The following ATP8A1 variants were observed in gnomAD, a reference collection of about 807,000 sequenced individuals.
The protein encoded by ATP8A1 is phospholipid-transporting ATPase IA.
ATP8A1 carries 90 observed loss-of-function variants against 177.7 expected under a neutral mutation model. The ratio of observed to expected loss-of-function variants is 0.51; its 90% CI spans 0.43 to 0.60. The LOEUF (loss-of-function observed/expected upper bound fraction) is 0.60, where lower values mean the gene tolerates loss of function less well. ATP8A1 is among the 20% of genes least tolerant of loss of function. The pLI is 0.00. For missense variants in ATP8A1, 1,072 were observed against 1,392.8 expected (o/e 0.77, Z 3.67); for synonymous variants, 493 against 485.9 (o/e 1.01, Z -0.19).
chr4:42,627,208 A>G (rs534005570), intron 1 of ATP8A1, 99 bp from the exon 2 acceptor site: 1 of 798,748 alleles, frequency 1.3e-6, no homozygotes, highest in Admixed American at 2.7e-5. Flanking sequence ...GTTAAAAGCT[A>G]CTTGCTTCCC....
chr4:42,417,419 TTA>T (rs1186948022), intron 35 of ATP8A1, among the ~76,000 whole-genome samples: 1 of 152,114 alleles, frequency 6.6e-6, no homozygotes, highest in Non-Finnish European at 1.5e-5. Context: ...ACGTAGTCTC[TTA>T]TAGTCTTTCA....
intron 1 of ATP8A1, among the ~76,000 whole-genome samples, chr4:42,637,788 C>G (rs1272577458): frequency 6.6e-6 from 1 of 152,196 alleles, no homozygotes; most frequent in Non-Finnish European, 1.5e-5. Context: ...AACAGTATTT[C>G]CAGTTCAGAC....
At chr4:42,656,449 G>A (rs1447945085) in intron 1 of ATP8A1, among the ~76,000 whole-genome samples, 1 of 152,106 alleles carries the variant, frequency 6.6e-6, no homozygotes, top group African/African-American at 2.4e-5. Flanking sequence ...AGCTCAGATA[G>A]GGGGTTGCAA....
intron 7 of ATP8A1, among the ~76,000 whole-genome samples, chr4:42,589,933 T>G (rs1324268514): frequency 6.6e-6 from 1 of 152,134 alleles, no homozygotes; most frequent in Non-Finnish European, 1.5e-5. Flanking sequence ...AAGTTCTATT[T>G]GAAGTTGGGG....
intron 20 of ATP8A1, among the ~76,000 whole-genome samples, chr4:42,525,382 G>C (rs1356609106): frequency 6.6e-6 from 1 of 151,750 alleles, no homozygotes; most frequent in Non-Finnish European, 1.5e-5. Context: ...CATGTTTATG[G>C]GACCAGTGCT....
At chr4:42,431,803 G>A (rs999898489) in intron 33 of ATP8A1, among the ~76,000 whole-genome samples, 3 of 152,086 alleles carry the variant, frequency 2.0e-5, no homozygotes, top group Non-Finnish European at 4.4e-5. Context: ...ATCTGCCATG[G>A]TCTGAGGTCA....
intron 36 of ATP8A1, 75 bp downstream of exon 36, chr4:42,414,552 T>A: frequency 7.7e-7 from 1 of 1,293,706 alleles, no homozygotes; most frequent in East Asian, 2.3e-5. Context: ...ATCCCTAAAG[T>A]CAGGATACTG....
At chr4:42,574,462 G>A (rs954274282) in intron 14 of ATP8A1, among the ~76,000 whole-genome samples, 157 bp downstream of exon 14, 1 of 151,982 alleles carries the variant, frequency 6.6e-6, no homozygotes, top group African/African-American at 2.4e-5. Context: ...CTAGAAACGC[G>A]AAATATACAT....
At position 42,409,412 on chromosome 4, in the gene ATP8A1, T is replaced by C. The variant is rs1470786544; in HGVS notation, c.*3504A>G. On this transcript the variant is annotated 3_prime_UTR_variant, in exon 37 of 37. Transcript: ENST00000381668. ...TTTTAATGTGAGAAAAATCAGACTA[T>C]GGTATCTTACGAGTCATTATAGAAA... is the stretch of plus-strand genomic sequence containing the variant. 3 of 152,144 alleles carry C rather than the reference T, an allele frequency of 2.0e-5. No homozygotes were observed. Among genetic ancestry groups the C allele is most frequent in the African/African-American group, 7.2e-5 (3 of 41,452 alleles). 9.4% of individuals were successfully genotyped at this position (152,144 alleles called of 1,614,324 possible).
intron 1 of ATP8A1, among the ~76,000 whole-genome samples, chr4:42,650,068 C>A (rs186642596): frequency 1.3e-5 from 2 of 152,186 alleles, no homozygotes; most frequent in African/African-American, 2.4e-5. Flanking sequence ...TAGAGACCCA[C>A]GCAGCAAACA....
intron 17 of ATP8A1, among the ~76,000 whole-genome samples, chr4:42,551,744 AT>A (rs1729523764): frequency 6.6e-6 from 1 of 152,214 alleles, no homozygotes; most frequent in Non-Finnish European, 1.5e-5. Context: ...GAATTTCATC[AT>A]GTTAAATAAA....
At chr4:42,467,665 C>G (rs1719939264) in intron 25 of ATP8A1, among the ~76,000 whole-genome samples, 2 of 152,176 alleles carry the variant, frequency 1.3e-5, no homozygotes, top group Admixed American at 1.3e-4. Context: ...TGCACTCCAG[C>G]CTGGGTGACA....
At chr4:42,452,864 C>G (rs1179083478) in intron 29 of ATP8A1, among the ~76,000 whole-genome samples, 2 of 152,190 alleles carry the variant, frequency 1.3e-5, no homozygotes, top group Non-Finnish European at 2.9e-5. Context: ...CTAAATAAAA[C>G]TGGCATGTAT....
At chr4:42,621,149 G>A (rs1737425826) in intron 4 of ATP8A1, among the ~76,000 whole-genome samples, 1 of 152,224 alleles carries the variant, frequency 6.6e-6, no homozygotes, top group African/African-American at 2.4e-5. Context: ...AATGCAGGTA[G>A]GAGTCTCTTA....
chr4:42,420,194 T>A (rs1412080336), intron 35 of ATP8A1, among the ~76,000 whole-genome samples: 1 of 152,212 alleles, frequency 6.6e-6, no homozygotes, highest in African/African-American at 2.4e-5. Flanking sequence ...TTCACAGATC[T>A]TCCCCTTGCC....
At chr4:42,586,589 T>A in intron 8 of ATP8A1, 113 bp from the exon 9 acceptor site, 1 of 1,021,192 alleles carries the variant, frequency 9.8e-7, no homozygotes. Context: ...CCATTATTTT[T>A]ATAAGCAATT....
At chr4:42,630,924 G>A (rs192664568) in intron 1 of ATP8A1, among the ~76,000 whole-genome samples, 1 of 152,230 alleles carries the variant, frequency 6.6e-6, no homozygotes, top group Non-Finnish European at 1.5e-5. Context: ...TGGAATAGTT[G>A]GTAGTAAATG....
chr4:42,629,704 C>T (rs2109502421), intron 1 of ATP8A1, among the ~76,000 whole-genome samples: 1 of 152,362 alleles, frequency 6.6e-6, no homozygotes, highest in Non-Finnish European at 1.5e-5. Context: ...CTCAGAGGTT[C>T]TCAGAAATAT....
intron 22 of ATP8A1, among the ~76,000 whole-genome samples, chr4:42,512,297 C>T (rs186857299): frequency 1.3e-5 from 2 of 152,206 alleles, no homozygotes; most frequent in African/African-American, 4.8e-5. Context: ...ACTTTTGTGT[C>T]TGTTCTTGGT....
Sources: allele counts gnomAD v4.1 joint callset (sites outside exome capture counted in the v4.1 genomes callset), GRCh38; gene constraint gnomAD v4.1.1; transcripts MANE v1.5; gene names NCBI Gene and HGNC (gene_info 2026-07-23, HGNC 2026-07-21).